SH3RF1: variants seen among roughly 807,000 people sequenced by gnomAD.
The protein encoded by SH3RF1 is SH3 domain containing ring finger 1.
SH3RF1 carries 32 observed loss-of-function variants against 74.0 expected under a neutral mutation model. The observed-to-expected ratio is 0.43, with a 90% CI of 0.33 to 0.58. SH3RF1 has a LOEUF of 0.58. Among genes scored for constraint, SH3RF1 ranks in the 20% least tolerant of loss-of-function variants. The probability of loss-of-function intolerance (pLI) is 0.05; values close to 1 mark genes in which losing one functional copy is unlikely to be tolerated. For missense variants in SH3RF1, 954 were observed against 1,130.9 expected, an observed-to-expected ratio of 0.84 and a Z score of 2.24; for synonymous variants, 396 against 439.6, an observed-to-expected ratio of 0.90 and a Z score of 1.24.
At chr4:169,252,849 C>A (rs1406653052) in intron 2 of SH3RF1, among the ~76,000 whole-genome samples, 1 of 152,038 alleles carries the variant, frequency 6.6e-6, no homozygotes, top group Non-Finnish European at 1.5e-5. Flanking sequence ...CTGGCAACAA[C>A]CCACAGTAAC....
At chr4:169,123,823 C>T (rs1414733888) in intron 6 of SH3RF1, among the ~76,000 whole-genome samples, 1 of 151,686 alleles carries the variant, frequency 6.6e-6, no homozygotes, top group Non-Finnish European at 1.5e-5. Flanking sequence ...ACCCGGGAGG[C>T]GGAGCTTGCA....
intron 11 of SH3RF1, among the ~76,000 whole-genome samples, chr4:169,102,953 G>A (rs1195415852): frequency 1.8e-5 from 2 of 112,960 alleles, no homozygotes; most frequent in African/African-American, 3.4e-5. Flanking sequence ...ATGGAGTCTC[G>A]CTCTGTCAGG....
At chr4:169,180,175 C>A (rs185794757) in intron 2 of SH3RF1, among the ~76,000 whole-genome samples, 1 of 152,326 alleles carries the variant, frequency 6.6e-6, no homozygotes, top group East Asian at 1.9e-4. Flanking sequence ...CAGGCTTTAA[C>A]TGATTCTTTC....
intron 8 of SH3RF1, among the ~76,000 whole-genome samples, chr4:169,119,689 T>C (rs1488145247): frequency 6.6e-6 from 1 of 152,196 alleles, no homozygotes; most frequent in Non-Finnish European, 1.5e-5. Flanking sequence ...AAGTTAACAT[T>C]CTGTCACCAT....
At chr4:169,134,316 C>T (rs954707684) in intron 5 of SH3RF1, among the ~76,000 whole-genome samples, 1 of 152,188 alleles carries the variant, frequency 6.6e-6, no homozygotes, top group Non-Finnish European at 1.5e-5. Context: ...CTTTTATAGT[C>T]TTCATTCCCA....
At chr4:169,225,568 T>C (rs1237141432) in intron 2 of SH3RF1, among the ~76,000 whole-genome samples, 3 of 152,210 alleles carry the variant, frequency 2.0e-5, no homozygotes, top group Non-Finnish European at 4.4e-5. Flanking sequence ...CCAATGGATT[T>C]AGTGACTAAG....
At chr4:169,124,322 A>G in intron 6 of SH3RF1, among the ~76,000 whole-genome samples, 1 of 152,252 alleles carries the variant, frequency 6.6e-6, no homozygotes, top group East Asian at 1.9e-4. Flanking sequence ...AAGGACAAAA[A>G]TCATCTATGC....
intron 4 of SH3RF1, among the ~76,000 whole-genome samples, chr4:169,147,502 A>G (rs928920731): frequency 6.6e-6 from 1 of 152,198 alleles, no homozygotes; most frequent in African/African-American, 2.4e-5. Flanking sequence ...GGTGATCGCC[A>G]AGAAAGAATC....
At chr4:169,136,717 G>A (rs1429496535) in intron 4 of SH3RF1, 97 bp from the exon 5 acceptor site, 12 of 1,332,790 alleles carry the variant, frequency 9.0e-6, no homozygotes, top group Non-Finnish European at 1.2e-5. Flanking sequence ...AAAATTTAAA[G>A]TCACTACTTT....
chr4:169,110,431 T>C (rs1733221004), intron 10 of SH3RF1, among the ~76,000 whole-genome samples: 1 of 151,764 alleles, frequency 6.6e-6, no homozygotes, highest in Non-Finnish European at 1.5e-5. Flanking sequence ...GAAAATAAAA[T>C]GAATATTTAA....
intron 2 of SH3RF1, among the ~76,000 whole-genome samples, chr4:169,236,949 T>C (rs1269935844): frequency 1.3e-5 from 2 of 152,156 alleles, no homozygotes; most frequent in Non-Finnish European, 1.5e-5. Flanking sequence ...AGAGAGACGA[T>C]TGTATTTAAC....
chr4:169,246,646 C>A (rs1579160883), intron 2 of SH3RF1, among the ~76,000 whole-genome samples: 1 of 152,252 alleles, frequency 6.6e-6, no homozygotes, highest in East Asian at 1.9e-4. Flanking sequence ...TTAATTAGAA[C>A]TGATTTTAAA....
At chr4:169,101,020 C>G (rs764466527) in intron 11 of SH3RF1, among the ~76,000 whole-genome samples, 10 of 152,198 alleles carry the variant, frequency 6.6e-5, no homozygotes, top group Non-Finnish European at 8.8e-5. Context: ...CAATTTCATG[C>G]TTGACTAAAT....
At chr4:169,265,396 A>G (rs955987964) in intron 2 of SH3RF1, among the ~76,000 whole-genome samples, 5 of 152,266 alleles carry the variant, frequency 3.3e-5, no homozygotes, top group African/African-American at 1.2e-4. Flanking sequence ...GCATCATGAA[A>G]TCATTAAGTA....
Position 169,230,067 on chromosome 4 carries a change from G to A in SH3RF1, c.393+38753C>T, listed in dbSNP as rs538633936. Among the ~76,000 whole-genome samples the A allele has an allele frequency of 1.1e-3, 166 of 152,020 alleles. 14 individuals are homozygous for A. Among genetic ancestry groups the A allele is most frequent in the African/African-American group, 3.8e-3 (156 of 41,434 alleles). On this transcript the variant is annotated intron_variant, in intron 2 of 11. Transcript: ENST00000284637. ...CTATAAATACAAAAATTAGCCAGGC[G>A]TGGTGGTGCATGCCTGTAATCCCAG... is the stretch of plus-strand genomic sequence containing the variant.
chr4:169,187,679 A>G (rs144791336), intron 2 of SH3RF1, among the ~76,000 whole-genome samples: 1 of 152,276 alleles, frequency 6.6e-6, no homozygotes, highest in East Asian at 1.9e-4. Flanking sequence ...GGCAACTGCA[A>G]TCTATAAATT....
chr4:169,210,431 G>A (rs558836107), intron 2 of SH3RF1, among the ~76,000 whole-genome samples: 121 of 152,200 alleles, frequency 8.0e-4, no homozygotes, highest in African/African-American at 2.7e-3. Context: ...CTGAGTAAAT[G>A]CTAATTCTAT....
chr4:169,225,059 G>T (rs2127003962), intron 2 of SH3RF1, among the ~76,000 whole-genome samples: 1 of 152,290 alleles, frequency 6.6e-6, no homozygotes, highest in African/African-American at 2.4e-5. Context: ...ATTACCACAT[G>T]CCTGGGAGTA....
intron 7 of SH3RF1, among the ~76,000 whole-genome samples, chr4:169,121,339 T>C (rs1733433029): frequency 6.6e-6 from 1 of 152,220 alleles, no homozygotes. Context: ...GTTCTTCAAA[T>C]GGCACTTGTT....
Sources: gnomAD v4.1 joint callset for allele counts (sites outside exome capture counted in the v4.1 genomes callset) on GRCh38, gnomAD v4.1.1 for gene constraint, MANE v1.5 for transcripts, NCBI Gene and HGNC (gene_info 2026-07-23, HGNC 2026-07-21) for gene names.